UBE2G2: variants seen among roughly 807,000 people sequenced by gnomAD.
UBE2G2 encodes the protein ubiquitin-conjugating enzyme E2 G2.
A neutral mutation model predicts 23.0 loss-of-function variants in UBE2G2; 10 were observed. That is an observed-to-expected ratio of 0.43 (90% CI 0.27 to 0.74). The LOEUF is 0.74. UBE2G2 is among the 30% of genes least tolerant of loss of function. The pLI is 0.19. For missense variants in UBE2G2, 150 were observed against 218.3 expected (o/e 0.69, Z 1.97); for synonymous variants, 86 against 81.3 (o/e 1.06, Z -0.31).
chr21:44,779,081 T>C, intron 3 of UBE2G2: 1 of 189,042 alleles, frequency 5.3e-6, no homozygotes, highest in Non-Finnish European at 1.2e-5. Context: ...AATATTTATC[T>C]CTATAATTAA....
At chr21:44,800,642 G>C (rs2083128472) in intron 1 of UBE2G2, 1 of 152,198 alleles carries the variant, frequency 6.6e-6, no homozygotes, top group Non-Finnish European at 1.5e-5. Context: ...GACCATACGT[G>C]AGTGAGCCTG....
intron 1 of UBE2G2, among the ~76,000 whole-genome samples, chr21:44,791,715 A>C (rs988451929): frequency 4.6e-5 from 7 of 152,218 alleles, no homozygotes; most frequent in Admixed American, 3.3e-4. Flanking sequence ...CAGAGTCCCC[A>C]CTGGGGCACT....
At chr21:44,800,720 T>A (rs1307320609) in intron 1 of UBE2G2, 2 of 152,248 alleles carry the variant, frequency 1.3e-5, no homozygotes, top group East Asian at 3.8e-4. Context: ...CCAATAGTTT[T>A]ACGAAATCAA....
intron 1 of UBE2G2, among the ~76,000 whole-genome samples, chr21:44,792,709 G>A (rs782100389): frequency 6.6e-5 from 10 of 152,168 alleles, no homozygotes; most frequent in Non-Finnish European, 1.2e-4. Flanking sequence ...ACAACCTTGG[G>A]TAGAACAAGG....
intron 1 of UBE2G2, chr21:44,801,265 G>A: frequency 2.0e-6 from 2 of 995,470 alleles, no homozygotes; most frequent in Non-Finnish European, 1.2e-6. Context: ...CTTCATTAGA[G>A]GGAAAGCCAA....
In UBE2G2 at chr21:44,801,787, C is replaced by G. The variant is rs1232942254; in HGVS notation, c.-39G>C. 5.3e-6 allele frequency: 8 copies of G among 1,504,518 alleles called. No individual in the cohort carries two copies. Among genetic ancestry groups the G allele is most frequent in the Non-Finnish European group, 6.2e-6 (7 of 1,130,400 alleles). The allele number at this position is 1,504,518 out of a possible 1,614,324, so 93.2% of individuals were successfully genotyped here. ...CTGCGCCGAGCGACCTCGCCTCAGC[C>G]GCGCGCGTGCCTCCTGCCCCGACAC... On this transcript the variant is annotated 5_prime_UTR_variant, in exon 1 of 6. Coordinates refer to ENST00000345496, the MANE Select transcript of UBE2G2 (RefSeq NM_003343.6).
intron 1 of UBE2G2, among the ~76,000 whole-genome samples, chr21:44,798,879 C>G (rs2083114047): frequency 2.0e-5 from 3 of 152,178 alleles, no homozygotes; most frequent in Non-Finnish European, 1.5e-5. Flanking sequence ...TTGCCCAGAT[C>G]CATCAAAGAA....
rs2082862117 is a variant in UBE2G2, at chr21:44,770,156, G to A, written c.*1221C>T. The A allele has an allele frequency of 6.6e-6, 1 of 152,170 alleles. No individual in the cohort carries two copies. The highest frequency in any genetic ancestry group is 1.5e-5 in the Non-Finnish European group (1 of 68,036). 9.4% of individuals were successfully genotyped at this position (152,170 alleles called of 1,614,324 possible). On this transcript the variant is annotated 3_prime_UTR_variant, in exon 6 of 6. Transcript: ENST00000345496. ...GTGCTCTGAGCTAAGATATGGTAGA[G>A]TCCCTTCTGAATTTTGAGTTGCAAA...
At chr21:44,797,913 C>A (rs2083106522) in intron 1 of UBE2G2, among the ~76,000 whole-genome samples, 1 of 152,102 alleles carries the variant, frequency 6.6e-6, no homozygotes, top group African/African-American at 2.4e-5. Flanking sequence ...CCACATCCAA[C>A]CCTCTGTTCG....
intron 3 of UBE2G2, among the ~76,000 whole-genome samples, chr21:44,787,653 C>T (rs182693428): frequency 6.6e-6 from 1 of 152,310 alleles, no homozygotes; most frequent in East Asian, 1.9e-4. Context: ...TCCAAAATTA[C>T]CACCTTAAAA....
At position 44,788,108 on chromosome 21, in the gene UBE2G2, TAAG is replaced by T. The variant is rs781945826; in HGVS notation, c.44-16_44-14del. On this transcript the variant is annotated splice_polypyrimidine_tract_variant and intron_variant, in intron 1 of 5. Transcript: ENST00000345496. ...TTCAGTGTTAATTCTATAAAATTAATAAGTAAAACCATTACCAAACAGAATAAA... is the reference window on the plus strand; with the variant it reads ...TTCAGTGTTAATTCTATAAAATTAATTAAAACCATTACCAAACAGAATAAA... 2.5e-6 allele frequency: 4 copies of T among 1,595,728 alleles called. No individual in the cohort carries two copies. Among genetic ancestry groups the T allele is most frequent in the Non-Finnish European group, 3.4e-6 (4 of 1,172,352 alleles).
chr21:44,777,443 G>T, intron 3 of UBE2G2, 26 bp from the exon 4 acceptor site: 1 of 1,600,530 alleles, frequency 6.2e-7, no homozygotes, highest in South Asian at 1.1e-5. Context: ...TACGTAGACT[G>T]AACTTCAAAG....
intron 1 of UBE2G2, among the ~76,000 whole-genome samples, chr21:44,794,537 GTTT>G (rs34142774): frequency 1.5e-5 from 2 of 136,488 alleles, no homozygotes; most frequent in Non-Finnish European, 3.1e-5. Flanking sequence ...TTCTTTTTTT[GTTT>G]TTTTTTTTTT....
intron 3 of UBE2G2, among the ~76,000 whole-genome samples, chr21:44,778,261 G>T (rs1555960851): frequency 6.6e-6 from 1 of 152,240 alleles, no homozygotes; most frequent in Non-Finnish European, 1.5e-5. Context: ...GAGCACATGT[G>T]ATCACTGCTG....
At position 44,801,812 on chromosome 21, in the gene UBE2G2, C is replaced by G; in HGVS notation, c.-64G>C. 2.0e-6 allele frequency: 3 copies of G among 1,484,176 alleles called. No homozygotes were observed. Among genetic ancestry groups the G allele is most frequent in the East Asian group, 2.9e-5 (1 of 34,290 alleles). The allele number at this position is 1,484,176 out of a possible 1,614,324, so 91.9% of individuals were successfully genotyped here. ...CGCGCGCGTGCCTCCTGCCCCGACA[C>G]CGGGGACTGCTTCCGGGCCACCGTC... On this transcript the variant is annotated 5_prime_UTR_variant, in exon 1 of 6. Transcript: ENST00000345496.
rs373702255 is a variant in UBE2G2 at position 44,788,894 on chromosome 21, A to C, written c.44-799T>G. On this transcript the variant is annotated intron_variant, in intron 1 of 5. Coordinates refer to ENST00000345496, the MANE Select transcript of UBE2G2 (RefSeq NM_003343.6). ...AATCCTTGCCAAATAAATATAAGGT[A>C]TAAGGACTGAAAAAGAAATAAAACT... Among the ~76,000 whole-genome samples the C allele has an allele frequency of 1.1e-3, 161 of 152,242 alleles. 4 individuals are homozygous for C. The South Asian group carries it at 0.031, about 29-fold the overall frequency.
Position 44,773,538 on chromosome 21 carries a change from G to A in UBE2G2, c.385+9C>T, listed in dbSNP as rs1450733488. On this transcript the variant is annotated intron_variant, in intron 5 of 5. Transcript: ENST00000345496. ...CACGGCAGCTCCTGCCAGGAGGCTCGGGCCTTACCTGCCAGCATGCTCACC... is the reference window on the plus strand; with the variant it reads ...CACGGCAGCTCCTGCCAGGAGGCTCAGGCCTTACCTGCCAGCATGCTCACC... 6.4e-5 allele frequency: 102 copies of A among 1,605,622 alleles called. No homozygotes were observed. Among genetic ancestry groups the A allele is most frequent in the Non-Finnish European group, 8.1e-5 (96 of 1,179,262 alleles).
At chr21:44,774,571 A>C (rs1601176187) in intron 4 of UBE2G2, 2 of 259,136 alleles carry the variant, frequency 7.7e-6, no homozygotes, top group East Asian at 1.6e-4. Context: ...ACTTACCTTC[A>C]AACAGTCTTG....
intron 4 of UBE2G2, chr21:44,775,370 T>G (rs1229778879): frequency 6.6e-6 from 1 of 152,272 alleles, no homozygotes; most frequent in Non-Finnish European, 1.5e-5. Flanking sequence ...ATCCCTGTCC[T>G]TGGAATATAA....
Sources: allele counts gnomAD v4.1 joint callset (sites outside exome capture counted in the v4.1 genomes callset), GRCh38; gene constraint gnomAD v4.1.1; transcripts MANE v1.5; gene names NCBI Gene and HGNC (gene_info 2026-07-23, HGNC 2026-07-21).